Variants in SKAP1 observed in about 807,000 individuals in gnomAD.
The protein encoded by SKAP1 is src kinase associated phosphoprotein 1.
In SKAP1, 44 loss-of-function variants were observed where a neutral mutation model predicts 58.5. That is an observed-to-expected ratio of 0.75 (90% confidence interval 0.59 to 0.97). SKAP1 has a LOEUF of 0.97. SKAP1 is among the 50% of genes least tolerant of loss of function. SKAP1 has a pLI of 0.00. For missense variants in SKAP1, 390 were observed against 435.2 expected (o/e 0.90, Z 0.92); for synonymous variants, 127 against 149.7 (o/e 0.85, Z 1.11).
chr17:48,138,473 G>T (rs1019875496), intron 11 of SKAP1, among the ~76,000 whole-genome samples: 1 of 151,300 alleles, frequency 6.6e-6, no homozygotes, highest in Non-Finnish European at 1.5e-5. Flanking sequence ...AGGTTCAAGC[G>T]ATTCTCCTGC....
At position 48,265,239 on chromosome 17, in the gene SKAP1, C is replaced by T. The variant is rs530679707; in HGVS notation, c.281-75739G>A. 7.5e-4 allele frequency among the ~76,000 whole-genome samples: 114 copies of T among 152,232 alleles called. 1 individual carries two copies. Among genetic ancestry groups the T allele is most frequent in the Admixed American group, 7.2e-3 (110 of 15,280 alleles). On this transcript the variant is annotated intron_variant, in intron 4 of 12. Transcript: ENST00000336915. ...AGAAAGCTATGGCTGGGTGCGGTGG[C>T]TCACACCTGTAATCCCAGCACTTTG...
At chr17:48,159,127 A>AG (rs2064033618) in intron 11 of SKAP1, among the ~76,000 whole-genome samples, 1 of 152,196 alleles carries the variant, frequency 6.6e-6, no homozygotes, top group African/African-American at 2.4e-5. Flanking sequence ...ATAGAGAGAG[A>AG]GGGGGAAACC....
intron 2 of SKAP1, among the ~76,000 whole-genome samples, chr17:48,369,337 A>G (rs1380944980): frequency 1.3e-5 from 2 of 151,742 alleles, no homozygotes; most frequent in South Asian, 2.1e-4. Context: ...CAAAAAGTAC[A>G]AAGATTAGCT....
chr17:48,181,594 A>C (rs2064369686), intron 8 of SKAP1, among the ~76,000 whole-genome samples: 1 of 152,206 alleles, frequency 6.6e-6, no homozygotes, highest in Admixed American at 6.5e-5. Context: ...TAGCAGAATA[A>C]AAATCTGAGA....
At chr17:48,441,299 G>C in the SKAP1 span, among the ~76,000 whole-genome samples, 1 of 152,148 alleles carries the variant, frequency 6.6e-6, no homozygotes, top group Non-Finnish European at 1.5e-5. Flanking sequence ...TACCTACAGA[G>C]AGAAACCTGA....
intron 4 of SKAP1, among the ~76,000 whole-genome samples, chr17:48,268,809 C>T (rs1216184104): frequency 6.6e-6 from 1 of 151,726 alleles, no homozygotes; most frequent in Non-Finnish European, 1.5e-5. Context: ...AATTTTTAAC[C>T]GTAATGCTAT....
At chr17:48,146,914 C>G (rs2063839928) in intron 11 of SKAP1, among the ~76,000 whole-genome samples, 1 of 152,208 alleles carries the variant, frequency 6.6e-6, no homozygotes, top group African/African-American at 2.4e-5. Flanking sequence ...CAGGCGTGAG[C>G]CACTGCGCCT....
chr17:48,155,624 A>G (rs1427529470), intron 11 of SKAP1, among the ~76,000 whole-genome samples: 1 of 151,586 alleles, frequency 6.6e-6, no homozygotes, highest in African/African-American at 2.4e-5. Context: ...TGGAAGGCCG[A>G]GGCAGATGGA....
At chr17:48,440,068 T>C in the SKAP1 span, among the ~76,000 whole-genome samples, 2 of 152,180 alleles carry the variant, frequency 1.3e-5, no homozygotes, top group Non-Finnish European at 2.9e-5. Context: ...CCCTGGCAGC[T>C]GATAGTTCAG....
intron 2 of SKAP1, among the ~76,000 whole-genome samples, chr17:48,395,228 C>T (rs1410042391): frequency 6.6e-6 from 1 of 152,118 alleles, no homozygotes; most frequent in Non-Finnish European, 1.5e-5. Flanking sequence ...TAATGAGTTA[C>T]CGTAATTTGC....
chr17:48,303,823 T>C (rs1161135157), intron 4 of SKAP1, among the ~76,000 whole-genome samples: 1 of 152,188 alleles, frequency 6.6e-6, no homozygotes, highest in Non-Finnish European at 1.5e-5. Flanking sequence ...ATTTTCTTGC[T>C]ATCTATGAAA....
intron 4 of SKAP1, among the ~76,000 whole-genome samples, chr17:48,334,341 C>A (rs1181378140): frequency 6.6e-6 from 1 of 151,740 alleles, no homozygotes; most frequent in Non-Finnish European, 1.5e-5. Flanking sequence ...TCCCAATAGC[C>A]AAGTAAAGAC....
chr17:48,247,002 A>G (rs2065303868), intron 4 of SKAP1, among the ~76,000 whole-genome samples: 1 of 152,144 alleles, frequency 6.6e-6, no homozygotes, highest in Non-Finnish European at 1.5e-5. Flanking sequence ...CCTGACTCAT[A>G]CCTCTCGCAG....
At chr17:48,231,078 C>T (rs2065120761) in intron 4 of SKAP1, among the ~76,000 whole-genome samples, 1 of 151,966 alleles carries the variant, frequency 6.6e-6, no homozygotes, top group South Asian at 2.1e-4. Flanking sequence ...TCTCTCTGTC[C>T]CAGTCTGTTT....
intron 2 of SKAP1, among the ~76,000 whole-genome samples, chr17:48,388,820 A>G (rs1428258715): frequency 6.6e-6 from 1 of 152,232 alleles, no homozygotes; most frequent in Admixed American, 6.5e-5. Flanking sequence ...GTAATTTCTC[A>G]TATACCAGTT....
At chr17:48,319,482 G>A (rs1307271440) in intron 4 of SKAP1, among the ~76,000 whole-genome samples, 1 of 152,140 alleles carries the variant, frequency 6.6e-6, no homozygotes, top group Non-Finnish European at 1.5e-5. Flanking sequence ...AGAGTATTCT[G>A]GACATAAGAA....
chr17:48,216,196 T>C (rs1444605456), intron 4 of SKAP1, among the ~76,000 whole-genome samples: 1 of 152,172 alleles, frequency 6.6e-6, no homozygotes, highest in African/African-American at 2.4e-5. Flanking sequence ...CCGGTGACTT[T>C]TGACATTTCT....
chr17:48,256,711 A>C (rs972593580), intron 4 of SKAP1, among the ~76,000 whole-genome samples: 1 of 152,130 alleles, frequency 6.6e-6, no homozygotes, highest in Non-Finnish European at 1.5e-5. Flanking sequence ...CTATGAAAGG[A>C]GAGAAGGAAG....
At chr17:48,162,043 G>A (rs974418336) in intron 11 of SKAP1, among the ~76,000 whole-genome samples, 2 of 152,042 alleles carry the variant, frequency 1.3e-5, no homozygotes, top group African/African-American at 4.8e-5. Flanking sequence ...TTAGCTCACT[G>A]CAAGCTCCGC....
Sources: gnomAD v4.1 joint callset for allele counts (sites outside exome capture counted in the v4.1 genomes callset) on GRCh38, gnomAD v4.1.1 for gene constraint, MANE v1.5 for transcripts, NCBI Gene and HGNC (gene_info 2026-07-23, HGNC 2026-07-21) for gene names.